The following ADD3 variants were observed in gnomAD, a reference collection of about 807,000 sequenced individuals.
ADD3 encodes the protein gamma-adducin.
Under a neutral mutation model 80.2 loss-of-function variants are expected in ADD3, and 25 were observed. The observed-to-expected ratio is 0.31, with a 90% CI of 0.23 to 0.44. The LOEUF (loss-of-function observed/expected upper bound fraction) is 0.44. Ranked by LOEUF, ADD3 falls within the 20% of genes least tolerant of loss-of-function variation. The probability of loss-of-function intolerance (pLI) is 1.00; values close to 1 mark genes in which losing one functional copy is unlikely to be tolerated. For missense variants in ADD3, 829 were observed against 847.5 expected, an observed-to-expected ratio of 0.98 and a Z score of 0.27; for synonymous variants, 284 against 289.6, an observed-to-expected ratio of 0.98 and a Z score of 0.20.
intron 1 of ADD3, among the ~76,000 whole-genome samples, chr10:110,008,717 C>G (rs1464061910): frequency 6.6e-6 from 1 of 152,126 alleles, no homozygotes; most frequent in Non-Finnish European, 1.5e-5. Context: ...GGTTCCTGCG[C>G]TTAGAAAAGG....
At chr10:110,120,075 C>CT (rs150316475) in intron 8 of ADD3, among the ~76,000 whole-genome samples, 19,592 of 147,694 alleles carry the variant, frequency 0.13, 4,104 homozygotes, top group African/African-American at 0.45. Context: ...TTTTCTTTTT[C>CT]TTTTTTTTTT....
intron 1 of ADD3, among the ~76,000 whole-genome samples, chr10:110,055,639 C>T (rs931140894): frequency 1.3e-5 from 2 of 152,142 alleles, no homozygotes; most frequent in Middle Eastern, 3.4e-3. Flanking sequence ...AACAAAGAGG[C>T]AGGCATCAGA....
intron 3 of ADD3, among the ~76,000 whole-genome samples, chr10:110,114,941 G>C (rs530713952): frequency 2.0e-5 from 3 of 152,074 alleles, no homozygotes; most frequent in African/African-American, 7.2e-5. Context: ...TTAGCCAGGT[G>C]TGGCAGCATG....
chr10:110,016,056 C>CT (rs1852956102), intron 1 of ADD3, among the ~76,000 whole-genome samples: 1 of 152,186 alleles, frequency 6.6e-6, no homozygotes, highest in South Asian at 2.1e-4. Context: ...GAGTGTCTGC[C>CT]TTGACCAGTC....
At chr10:110,094,019 C>T (rs1024640493) in intron 1 of ADD3, among the ~76,000 whole-genome samples, 1 of 152,124 alleles carries the variant, frequency 6.6e-6, no homozygotes, top group Admixed American at 6.5e-5. Context: ...TAATGATGTA[C>T]TTAAAACTTG....
At chr10:110,003,703 C>G (rs1022861154), upstream of ADD3, among the ~76,000 whole-genome samples, 3 of 152,166 alleles carry the variant, frequency 2.0e-5, no homozygotes, top group African/African-American at 7.2e-5. Context: ...CCTGTGTTTT[C>G]TTGGCAGAAA....
In ADD3 at chr10:110,100,865, G is replaced by A. The variant is rs761868855; in HGVS notation, c.195+17G>A. 1 of 1,545,728 alleles carries A rather than the reference G, an allele frequency of 6.5e-7. No individual in the cohort carries two copies. Among genetic ancestry groups the A allele is most frequent in the Admixed American group, 2.1e-5 (1 of 48,340 alleles). On this transcript the variant is annotated intron_variant, in intron 2 of 14. Transcript: ENST00000356080. ...CAAAGTCCTGTGAGTTGAATTAGAA[G>A]GCTGTAATTTTTCTCCCTCTTTGGA...
intron 1 of ADD3, among the ~76,000 whole-genome samples, chr10:110,045,547 A>G (rs752184720): frequency 1.3e-5 from 2 of 152,226 alleles, no homozygotes; most frequent in Non-Finnish European, 2.9e-5. Context: ...TTTTCAGTAC[A>G]TGTTTTGGAA....
chr10:110,077,294 CT>C (rs932677824), intron 1 of ADD3, among the ~76,000 whole-genome samples: 18 of 148,398 alleles, frequency 1.2e-4, no homozygotes, highest in African/African-American at 2.7e-4. Context: ...CACTTGTCTG[CT>C]TTTTTTTTTC....
At chr10:110,072,532 C>T (rs898218454) in intron 1 of ADD3, among the ~76,000 whole-genome samples, 1 of 152,140 alleles carries the variant, frequency 6.6e-6, no homozygotes, top group Non-Finnish European at 1.5e-5. Flanking sequence ...GGACTTGAGG[C>T]TTTACCGGGT....
At chr10:110,065,104 GC>G (rs1418115269) in intron 1 of ADD3, among the ~76,000 whole-genome samples, 2 of 152,006 alleles carry the variant, frequency 1.3e-5, no homozygotes, top group African/African-American at 2.4e-5. Flanking sequence ...ATCCCAGCCT[GC>G]CCTTCCAGTT....
chr10:110,081,747 G>A (rs912895481), intron 1 of ADD3, among the ~76,000 whole-genome samples: 1 of 152,118 alleles, frequency 6.6e-6, no homozygotes, highest in African/African-American at 2.4e-5. Context: ...ATGAAACCAC[G>A]CTTGAAAATG....
At chr10:110,043,350 A>G (rs921660641) in intron 1 of ADD3, among the ~76,000 whole-genome samples, 2 of 152,214 alleles carry the variant, frequency 1.3e-5, no homozygotes, top group Non-Finnish European at 2.9e-5. Context: ...TTTTTTAAGT[A>G]TGGCTGATCT....
intron 1 of ADD3, among the ~76,000 whole-genome samples, chr10:110,044,058 G>T (rs1790270537): frequency 6.6e-6 from 1 of 152,136 alleles, no homozygotes; most frequent in Admixed American, 6.5e-5. Flanking sequence ...CAAAAATTAT[G>T]CAGGCATGGT....
chr10:110,088,188 G>A (rs1001148139), intron 1 of ADD3, among the ~76,000 whole-genome samples: 1 of 152,106 alleles, frequency 6.6e-6, no homozygotes, highest in African/African-American at 2.4e-5. Flanking sequence ...TTTCAAATAG[G>A]CCACACTGTG....
chr10:110,083,737 G>T (rs772936906), intron 1 of ADD3, among the ~76,000 whole-genome samples: 1 of 152,086 alleles, frequency 6.6e-6, no homozygotes, highest in Non-Finnish European at 1.5e-5. Flanking sequence ...TTTCCTTGGG[G>T]CAGGGACTGA....
intron 2 of ADD3, among the ~76,000 whole-genome samples, chr10:110,103,433 T>A (rs1849064374): frequency 6.6e-6 from 1 of 152,226 alleles, no homozygotes; most frequent in Non-Finnish European, 1.5e-5. Flanking sequence ...GGATCCACTC[T>A]TAAGATGGAT....
rs979082104 is a variant in ADD3, at chr10:110,117,252, C to A, written c.487-90C>A. 37 of 643,518 alleles carry A rather than the reference C, an allele frequency of 5.7e-5. No homozygotes were observed. In the Middle Eastern group the frequency reaches 1.3e-3, roughly 22 times the overall value. 39.9% of individuals were successfully genotyped at this position (643,518 alleles called of 1,614,324 possible). On this transcript the variant is annotated intron_variant, in intron 4 of 14. Coordinates refer to ENST00000356080, the MANE Select transcript of ADD3 (RefSeq NM_016824.5). Reference sequence around the variant, plus strand: ...TGGTTTTTTTTTTCCTGATCTCTTACAATTATTCATTGTAAATATATTTGT... The same window carrying A: ...TGGTTTTTTTTTTCCTGATCTCTTAAAATTATTCATTGTAAATATATTTGT...
chr10:110,023,837 G>A (rs1853969082), intron 1 of ADD3, among the ~76,000 whole-genome samples: 1 of 152,166 alleles, frequency 6.6e-6, no homozygotes, highest in African/African-American at 2.4e-5. Flanking sequence ...ACAAATGAAG[G>A]TGCTTCCCCT....
Sources: gnomAD v4.1 joint callset for allele counts (sites outside exome capture counted in the v4.1 genomes callset) on GRCh38, gnomAD v4.1.1 for gene constraint, MANE v1.5 for transcripts, NCBI Gene and HGNC (gene_info 2026-07-23, HGNC 2026-07-21) for gene names.